The following NTM variants were observed in gnomAD, a reference collection of about 807,000 sequenced individuals.
The protein encoded by NTM is neurotrimin.
Under a neutral mutation model 42.1 loss-of-function variants are expected in NTM, and 13 were observed. That is an observed-to-expected ratio of 0.31 (90% CI 0.20 to 0.49). NTM has a LOEUF of 0.49. Among genes scored for constraint, NTM ranks in the 20% least tolerant of loss-of-function variants. NTM has a pLI of 0.99. For missense variants in NTM, 373 were observed against 452.8 expected (o/e 0.82, Z 1.60); for synonymous variants, 187 against 179.2 (o/e 1.04, Z -0.35).
chr11:131,460,095 AACAG>A (rs1951239429), intron 1 of NTM, among the ~76,000 whole-genome samples: 2 of 152,228 alleles, frequency 1.3e-5, no homozygotes, highest in Admixed American at 1.3e-4. Context: ...GGACTGTATT[AACAG>A]ACCAACAGTG....
chr11:131,560,643 A>C (rs1447472748), intron 1 of NTM, among the ~76,000 whole-genome samples: 1 of 152,196 alleles, frequency 6.6e-6, no homozygotes, highest in Non-Finnish European at 1.5e-5. Flanking sequence ...GCCATATTCA[A>C]AGCTTAATGT....
intron 1 of NTM, among the ~76,000 whole-genome samples, chr11:131,843,938 T>C (rs1486945164): frequency 6.6e-6 from 1 of 152,148 alleles, no homozygotes; most frequent in Non-Finnish European, 1.5e-5. Flanking sequence ...TTACATGCAT[T>C]GCAGTTGCAA....
At chr11:132,272,373 G>A (rs998007789) in intron 4 of NTM, among the ~76,000 whole-genome samples, 3 of 152,040 alleles carry the variant, frequency 2.0e-5, no homozygotes, top group Admixed American at 6.6e-5. Context: ...CCCTTGAATT[G>A]CCATACAAAT....
chr11:131,658,350 G>T (rs567664465), intron 1 of NTM, among the ~76,000 whole-genome samples: 1 of 152,100 alleles, frequency 6.6e-6, no homozygotes, highest in African/African-American at 2.4e-5. Context: ...AGCAGTTTTA[G>T]GTTCCAGTAA....
intron 1 of NTM, among the ~76,000 whole-genome samples, chr11:131,791,905 A>T (rs2090991017): frequency 6.6e-6 from 1 of 152,200 alleles, no homozygotes; most frequent in Non-Finnish European, 1.5e-5. Context: ...CTTATCTATA[A>T]ATAGAAACAG....
At chr11:131,927,383 T>C (rs941946011) in intron 2 of NTM, among the ~76,000 whole-genome samples, 1 of 152,194 alleles carries the variant, frequency 6.6e-6, no homozygotes, top group African/African-American at 2.4e-5. Flanking sequence ...CACACCAGGA[T>C]CCTGGCCTGG....
At chr11:132,221,453 C>T (rs2085143674) in intron 4 of NTM, among the ~76,000 whole-genome samples, 1 of 152,158 alleles carries the variant, frequency 6.6e-6, no homozygotes, top group Admixed American at 6.5e-5. Flanking sequence ...CACAGTGCCA[C>T]ATTGCAGACG....
At chr11:132,236,477 TATA>T (rs1333540325) in intron 4 of NTM, among the ~76,000 whole-genome samples, 1 of 152,162 alleles carries the variant, frequency 6.6e-6, no homozygotes, top group Non-Finnish European at 1.5e-5. Context: ...TTGGGAGGAA[TATA>T]CACCTCTAAA....
intron 1 of NTM, among the ~76,000 whole-genome samples, chr11:131,855,913 A>G (rs10894463): frequency 0.43 from 65,935 of 152,022 alleles, 16,095 homozygotes; most frequent in Admixed American, 0.57. Flanking sequence ...CACGTCAGAT[A>G]TTTATGAAAT....
At chr11:131,767,226 TCTTA>T in intron 1 of NTM, 1 of 468,088 alleles carries the variant, frequency 2.1e-6, no homozygotes, top group Non-Finnish European at 2.8e-6. Context: ...AGTTAAACAA[TCTTA>T]CCTCATAGGA....
rs548685330 is a variant in NTM, at chr11:131,512,458, C to G, written c.82+141570C>G. 6.0e-5 allele frequency among the ~76,000 whole-genome samples: 9 copies of G among 150,452 alleles called. No individual in the cohort carries two copies. The East Asian group carries it at 9.7e-4, about 16-fold the overall frequency. ...TGGAGACAGGCCCATGTGATCTCAC[C>G]TGGATGGAAAGCCCAGAGGCCGACT... On this transcript the variant is annotated intron_variant, in intron 1 of 8. Transcript: ENST00000683400.
At chr11:132,317,595 GT>G in intron 7 of NTM, 1 of 963,988 alleles carries the variant, frequency 1.0e-6, no homozygotes, top group Non-Finnish European at 1.5e-6. Flanking sequence ...ATATAGCACT[GT>G]ATATAATATA....
intron 1 of NTM, among the ~76,000 whole-genome samples, chr11:131,563,530 A>G (rs1005076395): frequency 2.7e-5 from 4 of 149,798 alleles, no homozygotes; most frequent in Admixed American, 2.7e-4. Flanking sequence ...GGCCAGGGCC[A>G]GACCTTAGCT....
intron 1 of NTM, among the ~76,000 whole-genome samples, chr11:131,675,637 G>A (rs1374830532): frequency 6.6e-6 from 1 of 152,144 alleles, no homozygotes; most frequent in African/African-American, 2.4e-5. Context: ...TCCTAGAGGA[G>A]ACCAAATTCA....
At chr11:132,233,849 C>T (rs1264914062) in intron 4 of NTM, among the ~76,000 whole-genome samples, 2 of 152,206 alleles carry the variant, frequency 1.3e-5, no homozygotes, top group Admixed American at 6.5e-5. Flanking sequence ...TTCCTCAGCA[C>T]TCTGTGAAGT....
At chr11:131,761,197 G>T (rs1049853963) in intron 1 of NTM, among the ~76,000 whole-genome samples, 3 of 152,144 alleles carry the variant, frequency 2.0e-5, no homozygotes, top group Non-Finnish European at 4.4e-5. Context: ...TATGCGTTAC[G>T]GCTTTTTCTG....
At chr11:132,094,987 C>T (rs1246321104) in intron 2 of NTM, among the ~76,000 whole-genome samples, 1 of 152,196 alleles carries the variant, frequency 6.6e-6, no homozygotes, top group African/African-American at 2.4e-5. Context: ...TCTGTAGTGA[C>T]AGCTCCATCA....
Position 132,004,000 on chromosome 11 carries a change from A to G in NTM, c.167+92352A>G, listed in dbSNP as rs1379800016. Among the ~76,000 whole-genome samples the G allele has an allele frequency of 6.6e-6, 1 of 152,208 alleles. No homozygotes were observed. The highest frequency in any genetic ancestry group is 6.5e-5 in the Admixed American group (1 of 15,274). On this transcript the variant is annotated intron_variant, in intron 2 of 8. Transcript: ENST00000683400. This position sits in a 1 kb window ranked among gnomAD's most constrained non-coding sequence, Gnocchi z 6.0. ...ATTAGCATAATGTATTAGCATATCT[A>G]TAGCACAATTATATTTTGATTGCTG...
intron 1 of NTM, among the ~76,000 whole-genome samples, chr11:131,622,277 A>G (rs1230471509): frequency 6.6e-6 from 1 of 152,196 alleles, no homozygotes. Flanking sequence ...CAGAGGAAAG[A>G]TGTATAAAAA....
Sources: allele counts gnomAD v4.1 joint callset (sites outside exome capture counted in the v4.1 genomes callset), GRCh38; gene constraint gnomAD v4.1.1; non-coding constraint Gnocchi (gnomAD v3.1); transcripts MANE v1.5; gene names NCBI Gene and HGNC (gene_info 2026-07-23, HGNC 2026-07-21).